The following MACROD2 variants were observed in gnomAD, a reference collection of about 807,000 sequenced individuals.
The protein encoded by MACROD2 is ADP-ribose glycohydrolase MACROD2.
A neutral mutation model predicts 70.4 loss-of-function variants in MACROD2; 36 were observed. The observed-to-expected ratio is 0.51, with a 90% CI of 0.39 to 0.68. The LOEUF is 0.68. Ranked by LOEUF, MACROD2 falls within the 30% of genes least tolerant of loss-of-function variation. The probability of loss-of-function intolerance (pLI) is 0.00; values close to 1 mark genes in which losing one functional copy is unlikely to be tolerated. For missense variants in MACROD2, 496 were observed against 538.4 expected (o/e 0.92, Z 0.78); for synonymous variants, 172 against 178.8 (o/e 0.96, Z 0.30).
At chr20:15,319,922 G>GA (rs2077855051) in intron 6 of MACROD2, among the ~76,000 whole-genome samples, 1 of 152,176 alleles carries the variant, frequency 6.6e-6, no homozygotes, top group African/African-American at 2.4e-5. Flanking sequence ...CATAGTTATA[G>GA]AAATTAGTTT....
intron 5 of MACROD2, among the ~76,000 whole-genome samples, chr20:15,215,413 G>A (rs1351871895): frequency 6.6e-6 from 1 of 151,764 alleles, no homozygotes; most frequent in Non-Finnish European, 1.5e-5. Flanking sequence ...TTGTTTGTTA[G>A]GTGAGGAATA....
At chr20:15,138,935 G>T (rs1466842492) in intron 5 of MACROD2, among the ~76,000 whole-genome samples, 1 of 152,146 alleles carries the variant, frequency 6.6e-6, no homozygotes, top group African/African-American at 2.4e-5. Flanking sequence ...TTCAGCAGGA[G>T]AGTGTTTTAG....
At chr20:15,508,045 ATGTTT>A (rs1433081360) in intron 8 of MACROD2, among the ~76,000 whole-genome samples, 2 of 152,090 alleles carry the variant, frequency 1.3e-5, no homozygotes, top group African/African-American at 4.8e-5. Context: ...AGTTCAACAA[ATGTTT>A]TGTTTTATTT....
chr20:14,333,579 G>A, intron 3 of MACROD2, among the ~76,000 whole-genome samples: 1 of 152,096 alleles, frequency 6.6e-6, no homozygotes, highest in East Asian at 1.9e-4. Context: ...TTAAAAGTTT[G>A]CCTACTTTTG....
chr20:14,191,995 G>T (rs1463560619), intron 3 of MACROD2, among the ~76,000 whole-genome samples: 1 of 151,706 alleles, frequency 6.6e-6, no homozygotes, highest in Non-Finnish European at 1.5e-5. Flanking sequence ...GAGGGGGAGG[G>T]GGAGGGGCAA....
chr20:15,141,029 T>C (rs440313), intron 5 of MACROD2, among the ~76,000 whole-genome samples: 93,574 of 150,188 alleles, frequency 0.62, 29,110 homozygotes, highest in Non-Finnish European at 0.65. Flanking sequence ...TACATATAGA[T>C]ATACATGTGT....
intron 5 of MACROD2, among the ~76,000 whole-genome samples, chr20:14,801,405 AT>A (rs2072573834): frequency 6.6e-6 from 1 of 152,092 alleles, no homozygotes; most frequent in South Asian, 2.1e-4. Context: ...TTGTATATTC[AT>A]TTGTGCAGAC....
chr20:15,533,696 C>A (rs888402007), intron 8 of MACROD2, among the ~76,000 whole-genome samples: 3 of 152,116 alleles, frequency 2.0e-5, no homozygotes, highest in Non-Finnish European at 4.4e-5. Context: ...GATGTTGTAT[C>A]ATAGGCACTC....
intron 3 of MACROD2, among the ~76,000 whole-genome samples, chr20:14,417,782 T>C (rs1239811462): frequency 2.6e-5 from 4 of 152,212 alleles, no homozygotes; most frequent in African/African-American, 9.6e-5. Flanking sequence ...CTGTTTTGAA[T>C]CCTTCTTCAA....
intron 5 of MACROD2, among the ~76,000 whole-genome samples, chr20:15,054,736 A>T (rs927792486): frequency 6.6e-6 from 1 of 152,120 alleles, no homozygotes; most frequent in African/African-American, 2.4e-5. Context: ...CACATTACAG[A>T]GGGAGAATAG....
At chr20:15,436,311 C>A (rs922031396) in intron 7 of MACROD2, among the ~76,000 whole-genome samples, 3 of 152,096 alleles carry the variant, frequency 2.0e-5, no homozygotes, top group Admixed American at 2.0e-4. Context: ...CAAGGAAGAG[C>A]AAGTCACGTC....
intron 5 of MACROD2, among the ~76,000 whole-genome samples, chr20:14,725,535 T>C (rs933975235): frequency 1.3e-5 from 2 of 152,020 alleles, no homozygotes; most frequent in Non-Finnish European, 2.9e-5. Context: ...TCTCTATAAA[T>C]GTTGATATAT....
chr20:15,077,928 G>A (rs2075671237), intron 5 of MACROD2, among the ~76,000 whole-genome samples: 1 of 152,090 alleles, frequency 6.6e-6, no homozygotes, highest in Admixed American at 6.5e-5. Context: ...TTTGAGCTGG[G>A]CTGGGGGAGG....
intron 5 of MACROD2, among the ~76,000 whole-genome samples, chr20:14,876,329 G>A (rs889689115): frequency 6.6e-6 from 1 of 151,864 alleles, no homozygotes; most frequent in Non-Finnish European, 1.5e-5. Flanking sequence ...TTTTTTGCCT[G>A]TTCAGTTGTT....
chr20:14,964,538 A>G (rs1238582182), intron 5 of MACROD2, among the ~76,000 whole-genome samples: 4 of 152,062 alleles, frequency 2.6e-5, no homozygotes. Context: ...GCGCCACTGC[A>G]CTTCAGCCTG....
chr20:15,234,010 T>TATATATATATATATATATA (rs1299319044), intron 6 of MACROD2, among the ~76,000 whole-genome samples: 7 of 42,508 alleles, frequency 1.6e-4, no homozygotes, highest in African/African-American at 2.9e-4. Flanking sequence ...TATATATATA[T>TATATATATATATATATATA]TCTTTTTTTT....
intron 8 of MACROD2, among the ~76,000 whole-genome samples, chr20:15,849,186 G>A (rs1466362944): frequency 3.3e-5 from 5 of 152,166 alleles, no homozygotes; most frequent in African/African-American, 1.2e-4. Context: ...AATGCTTTTG[G>A]TTTGTGCTTT....
At chr20:15,443,325 G>A in intron 7 of MACROD2, among the ~76,000 whole-genome samples, 1 of 151,976 alleles carries the variant, frequency 6.6e-6, no homozygotes, top group Non-Finnish European at 1.5e-5. Flanking sequence ...GAGAGAAAAT[G>A]ATCATATGAA....
chr20:14,171,082 A>G (rs1420303620), intron 3 of MACROD2, among the ~76,000 whole-genome samples: 2 of 152,050 alleles, frequency 1.3e-5, no homozygotes, highest in African/African-American at 2.4e-5. Context: ...AGTGTTGTAT[A>G]TGGCCAGGAA....
Sources: allele counts gnomAD v4.1 joint callset (sites outside exome capture counted in the v4.1 genomes callset), GRCh38; gene constraint gnomAD v4.1.1; transcripts MANE v1.5; gene names NCBI Gene and HGNC (gene_info 2026-07-23, HGNC 2026-07-21).